The following CNTNAP2 variants were observed in gnomAD, a reference collection of about 807,000 sequenced individuals.
CNTNAP2 encodes the protein contactin-associated protein-like 2.
CNTNAP2 carries 98 observed loss-of-function variants against 155.2 expected under a neutral mutation model. The ratio of observed to expected loss-of-function variants is 0.63; its 90% confidence interval spans 0.54 to 0.75. CNTNAP2 has a LOEUF of 0.75. Ranked by LOEUF, CNTNAP2 falls within the 30% of genes least tolerant of loss-of-function variation. The probability of loss-of-function intolerance (pLI) is 0.00; values close to 1 mark genes in which losing one functional copy is unlikely to be tolerated. For synonymous variants in CNTNAP2, 651 were observed against 631.2 expected (o/e 1.03, Z -0.47); for missense variants, 1,727 against 1,688.1 (o/e 1.02, Z -0.40).
At chr7:147,832,001 C>T (rs1798553882) in intron 13 of CNTNAP2, 1 of 151,766 alleles carries the variant, frequency 6.6e-6, no homozygotes, top group Non-Finnish European at 1.5e-5. Context: ...CTACAATGTA[C>T]CCACGACATT....
intron 13 of CNTNAP2, among the ~76,000 whole-genome samples, chr7:147,661,208 A>C (rs974698627): frequency 2.6e-5 from 4 of 152,104 alleles, no homozygotes; most frequent in Admixed American, 2.6e-4. Flanking sequence ...CAAAAATCCA[A>C]ATATTTCCAT....
At chr7:147,231,662 T>G (rs1803684390) in intron 8 of CNTNAP2, among the ~76,000 whole-genome samples, 1 of 152,216 alleles carries the variant, frequency 6.6e-6, no homozygotes, top group African/African-American at 2.4e-5. Flanking sequence ...TGGTTTTAAT[T>G]TGTATTTTTC....
chr7:147,781,482 T>C (rs948976188), intron 13 of CNTNAP2, among the ~76,000 whole-genome samples: 1 of 152,200 alleles, frequency 6.6e-6, no homozygotes, highest in Non-Finnish European at 1.5e-5. Flanking sequence ...CAGGAAATAC[T>C]AAGGAGGATG....
At chr7:146,559,979 C>A (rs1798255902) in intron 1 of CNTNAP2, among the ~76,000 whole-genome samples, 1 of 152,134 alleles carries the variant, frequency 6.6e-6, no homozygotes, top group Non-Finnish European at 1.5e-5. Context: ...TAATTTTAGC[C>A]ATTTTTTCTG....
intron 13 of CNTNAP2, among the ~76,000 whole-genome samples, chr7:147,839,217 C>A (rs575890802): frequency 1.3e-5 from 2 of 152,230 alleles, no homozygotes; most frequent in African/African-American, 4.8e-5. Flanking sequence ...GTGGATCTGC[C>A]TTCCCCAGTC....
chr7:147,412,226 T>C (rs1797115331), intron 10 of CNTNAP2, among the ~76,000 whole-genome samples: 1 of 152,160 alleles, frequency 6.6e-6, no homozygotes. Flanking sequence ...GCCTTTGTCT[T>C]CCTTTGCAGC....
intron 15 of CNTNAP2, among the ~76,000 whole-genome samples, chr7:147,996,309 A>C (rs1487537607): frequency 3.3e-5 from 5 of 152,228 alleles, no homozygotes; most frequent in Non-Finnish European, 5.9e-5. Flanking sequence ...TGGGGTTCTT[A>C]TCAACATGCA....
At chr7:146,255,359 A>G (rs2129080524) in intron 1 of CNTNAP2, among the ~76,000 whole-genome samples, 1 of 152,314 alleles carries the variant, frequency 6.6e-6, no homozygotes, top group African/African-American at 2.4e-5. Flanking sequence ...TAGGGATTCA[A>G]CAAAATTAAA....
chr7:148,389,457 T>G (rs907811286), intron 22 of CNTNAP2, among the ~76,000 whole-genome samples: 1 of 152,222 alleles, frequency 6.6e-6, no homozygotes, highest in Non-Finnish European at 1.5e-5. Context: ...CGTGTGGAAC[T>G]GGGAGTCCAT....
At chr7:148,382,089 G>C (rs1183840030) in intron 21 of CNTNAP2, among the ~76,000 whole-genome samples, 1 of 152,242 alleles carries the variant, frequency 6.6e-6, no homozygotes, top group Non-Finnish European at 1.5e-5. Flanking sequence ...GAAAGCTAAA[G>C]AAGAGAGTGA....
At chr7:147,403,186 CTCTT>C (rs1486940325) in intron 10 of CNTNAP2, among the ~76,000 whole-genome samples, 2 of 152,158 alleles carry the variant, frequency 1.3e-5, no homozygotes, top group East Asian at 1.9e-4. Flanking sequence ...TAAATAATAA[CTCTT>C]TCAACCAATT....
chr7:147,300,425 C>A, intron 9 of CNTNAP2, 135 bp downstream of exon 9: 3 of 970,700 alleles, frequency 3.1e-6, no homozygotes, highest in Admixed American at 2.5e-5. Flanking sequence ...TGTAATTCCA[C>A]TGAGCAAAAC....
chr7:146,877,039 G>T (rs778822033), intron 3 of CNTNAP2, among the ~76,000 whole-genome samples: 7 of 152,078 alleles, frequency 4.6e-5, no homozygotes, highest in Non-Finnish European at 1.0e-4. Context: ...TGTAAGAAAT[G>T]ATCTTAATGG....
chr7:148,014,410 G>A (rs1316273186), intron 15 of CNTNAP2: 1 of 151,992 alleles, frequency 6.6e-6, no homozygotes, highest in Non-Finnish European at 1.5e-5. Flanking sequence ...CTGGAGAAGG[G>A]GCATTTGATG....
intron 3 of CNTNAP2, among the ~76,000 whole-genome samples, chr7:146,899,110 C>A (rs1795940498): frequency 6.6e-6 from 1 of 152,086 alleles, no homozygotes; most frequent in South Asian, 2.1e-4. Context: ...TTGTTCTCAC[C>A]CTGTTTGTGG....
intron 15 of CNTNAP2, among the ~76,000 whole-genome samples, chr7:148,011,744 T>C (rs1802086147): frequency 2.6e-5 from 4 of 152,210 alleles, no homozygotes; most frequent in Admixed American, 2.6e-4. Flanking sequence ...TAGTGTATAC[T>C]CAAACTGTAG....
chr7:147,862,368 A>G (rs1304427099), intron 13 of CNTNAP2, among the ~76,000 whole-genome samples: 1 of 149,556 alleles, frequency 6.7e-6, no homozygotes. Flanking sequence ...TGTCGTATCC[A>G]AGACCATCCG....
intron 1 of CNTNAP2, among the ~76,000 whole-genome samples, chr7:146,192,314 T>C (rs1173642009): frequency 6.6e-6 from 1 of 152,200 alleles, no homozygotes; most frequent in African/African-American, 2.4e-5. Context: ...AAAAGCATTC[T>C]AGTTTCTTTT....
chr7:146,168,065 C>A (rs1314011401), intron 1 of CNTNAP2, among the ~76,000 whole-genome samples: 3 of 152,120 alleles, frequency 2.0e-5, no homozygotes, highest in Non-Finnish European at 4.4e-5. Context: ...AAGTCAGCTC[C>A]TTCCACCTTC....
Sources: gnomAD v4.1 joint callset for allele counts (sites outside exome capture counted in the v4.1 genomes callset) on GRCh38, gnomAD v4.1.1 for gene constraint, MANE v1.5 for transcripts, NCBI Gene and HGNC (gene_info 2026-07-23, HGNC 2026-07-21) for gene names.